Variants in CAMK1D observed in about 807,000 individuals in gnomAD.
CAMK1D encodes calcium/calmodulin-dependent protein kinase type 1D.
A neutral mutation model predicts 47.7 loss-of-function variants in CAMK1D; 9 were observed. The observed-to-expected ratio is 0.19, with a 90% CI of 0.11 to 0.33. The LOEUF is 0.33. Ranked by LOEUF, CAMK1D falls within the 10% of genes least tolerant of loss-of-function variation. CAMK1D has a pLI of 1.00. For synonymous variants in CAMK1D, 184 were observed against 184.9 expected (o/e 0.99, Z 0.04); for missense variants, 291 against 488.7 (o/e 0.60, Z 3.81).
At chr10:12,497,305 C>T (rs369154067) in intron 1 of CAMK1D, among the ~76,000 whole-genome samples, 22 of 151,814 alleles carry the variant, frequency 1.4e-4, no homozygotes, top group East Asian at 1.4e-3. Flanking sequence ...GGTGAAATCC[C>T]GTCTCTACTA....
chr10:12,694,265 A>AT lies in CAMK1D; in HGVS notation c.299+27455_299+27456insT, dbSNP rs1491384487. 2.6e-5 allele frequency among the ~76,000 whole-genome samples: 2 copies of AT among 76,944 alleles called. 1 individual carries two copies. The highest frequency in any genetic ancestry group is 8.8e-4 in the East Asian group (2 of 2,272). The allele number at this position is 76,944 out of a possible 152,430, so 50.5% of individuals were successfully genotyped here. ...ATAATATATATTATGTATAATATAT[A>AT]ATATATATTATACATAATATAAAAT... On this transcript the variant is annotated intron_variant, in intron 3 of 10. Coordinates refer to ENST00000619168, the MANE Select transcript of CAMK1D (RefSeq NM_153498.4).
intron 2 of CAMK1D, among the ~76,000 whole-genome samples, chr10:12,620,216 A>AAAT (rs1280721047): frequency 7.7e-6 from 1 of 129,894 alleles, no homozygotes. Context: ...AAAAAAAAAA[A>AAAT]AATAAAGCTG....
chr10:12,564,161 C>G lies in CAMK1D; in HGVS notation c.224+10805C>G, dbSNP rs1284058042. Among the ~76,000 whole-genome samples the G allele has an allele frequency of 2.8e-3, 413 of 147,722 alleles. 4 individuals carry two copies. Among genetic ancestry groups the G allele is most frequent in the African/African-American group, 8.9e-3 (352 of 39,458 alleles). On this transcript the variant is annotated intron_variant, in intron 2 of 10. Transcript: ENST00000619168. ...TCTCTCTCTCTGTCTCTCTCTCTCT[C>G]TCTCTCTCTCTCTCTCTCTCATAGG... is the stretch of plus-strand genomic sequence containing the variant.
intron 1 of CAMK1D, among the ~76,000 whole-genome samples, chr10:12,407,726 C>G (rs1258369906): frequency 6.6e-6 from 1 of 152,152 alleles, no homozygotes. Context: ...CCAGCATCAT[C>G]CAAATAGGTG....
chr10:12,463,243 T>C (rs1449219827), intron 1 of CAMK1D, among the ~76,000 whole-genome samples: 1 of 151,970 alleles, frequency 6.6e-6, no homozygotes, highest in Non-Finnish European at 1.5e-5. Flanking sequence ...GTTCAAGTGA[T>C]TCTCCTGCTT....
At chr10:12,508,548 A>C (rs983631696) in intron 1 of CAMK1D, among the ~76,000 whole-genome samples, 1 of 152,214 alleles carries the variant, frequency 6.6e-6, no homozygotes, top group Non-Finnish European at 1.5e-5. Context: ...GAAGATGAAA[A>C]AATTCTGGAG....
chr10:12,717,112 C>A (rs1208882196), intron 3 of CAMK1D, among the ~76,000 whole-genome samples: 2 of 152,188 alleles, frequency 1.3e-5, no homozygotes, highest in African/African-American at 4.8e-5. Flanking sequence ...TATTATTCAG[C>A]AGACATAATA....
intron 1 of CAMK1D, among the ~76,000 whole-genome samples, chr10:12,396,175 A>G (rs1838946138): frequency 6.6e-6 from 1 of 152,066 alleles, no homozygotes; most frequent in African/African-American, 2.4e-5. Context: ...TGCCTGGTCA[A>G]AAGAGTTGTT....
intron 5 of CAMK1D, among the ~76,000 whole-genome samples, chr10:12,774,406 C>T (rs2130945243): frequency 6.6e-6 from 1 of 151,944 alleles, no homozygotes; most frequent in East Asian, 1.9e-4. Flanking sequence ...GGCCTGAAGG[C>T]AGGAGAATGT....
chr10:12,628,532 C>A (rs528920588), intron 2 of CAMK1D, among the ~76,000 whole-genome samples: 2 of 152,256 alleles, frequency 1.3e-5, no homozygotes, highest in African/African-American at 2.4e-5. Context: ...TTATTAACAT[C>A]TTGAATTAGG....
intron 3 of CAMK1D, among the ~76,000 whole-genome samples, chr10:12,756,366 A>T (rs1455047299): frequency 3.9e-5 from 6 of 152,234 alleles, no homozygotes; most frequent in African/African-American, 1.4e-4. Context: ...CTAACAAGGG[A>T]TACATTGCAT....
chr10:12,553,541 C>T (rs757148697), intron 2 of CAMK1D, among the ~76,000 whole-genome samples, 185 bp downstream of exon 2: 9 of 152,180 alleles, frequency 5.9e-5, no homozygotes, highest in East Asian at 1.9e-4. Flanking sequence ...AGAACATTCA[C>T]GGCCATGGTT....
chr10:12,815,173 G>GA (rs1269282921), intron 7 of CAMK1D, among the ~76,000 whole-genome samples: 11 of 152,198 alleles, frequency 7.2e-5, no homozygotes, highest in Admixed American at 7.2e-4. Context: ...ATGCCACTCT[G>GA]AAACGTTCCT....
chr10:12,585,928 C>T (rs938261777), intron 2 of CAMK1D, among the ~76,000 whole-genome samples: 2 of 152,222 alleles, frequency 1.3e-5, no homozygotes, highest in Admixed American at 6.5e-5. Context: ...GGCTGATGTG[C>T]TCTGTGGCAT....
Position 12,714,769 on chromosome 10 carries a change from C to CACAT in CAMK1D, c.300-46176_300-46175insTACA, listed in dbSNP as rs1331294384. Among the ~76,000 whole-genome samples, 32 of 135,670 alleles carry CACAT rather than the reference C, an allele frequency of 2.4e-4. 1 individual carries two copies. The highest frequency in any genetic ancestry group is 1.9e-3 in the Admixed American group (27 of 14,226). The allele number at this position is 135,670 out of a possible 152,430, so 89.0% of individuals were successfully genotyped here. A position where few individuals can be genotyped will look rare whatever the true frequency, so the allele number is the denominator to read the frequency against. On this transcript the variant is annotated intron_variant, in intron 3 of 10. Transcript: ENST00000619168. Reference sequence around the variant, plus strand: ...AAATAGGTACATTAAATTACACACACACACACACACACACACACACACACA... The same window carrying CACAT: ...AAATAGGTACATTAAATTACACACACACATACACACACACACACACACACACACA...
intron 1 of CAMK1D, among the ~76,000 whole-genome samples, chr10:12,529,705 C>T (rs1379137807): frequency 1.3e-5 from 2 of 152,100 alleles, no homozygotes; most frequent in South Asian, 2.1e-4. Context: ...AAATTTTGCT[C>T]GTGGTGGCTG....
chr10:12,765,393 T>A (rs1836703999), intron 4 of CAMK1D, among the ~76,000 whole-genome samples: 2 of 151,186 alleles, frequency 1.3e-5, no homozygotes, highest in African/African-American at 4.9e-5. Flanking sequence ...GAGGGGGTAG[T>A]GGATGGGAAA....
rs553594619 is a variant in CAMK1D at position 12,548,681 on chromosome 10, T to C, written c.93-4544T>C. Among the ~76,000 whole-genome samples the C allele has an allele frequency of 1.6e-4, 24 of 152,098 alleles. No homozygotes were observed. In the South Asian group the frequency reaches 4.8e-3, roughly 30 times the overall value. Reference sequence around the variant, plus strand: ...CATTTTGCTGTGTTGCCCAGGCTGGTATCAAACTCCTGGGCTCAAGCGATC... The same window carrying C: ...CATTTTGCTGTGTTGCCCAGGCTGGCATCAAACTCCTGGGCTCAAGCGATC... On this transcript the variant is annotated intron_variant, in intron 1 of 10. Coordinates refer to ENST00000619168, the MANE Select transcript of CAMK1D (RefSeq NM_153498.4).
At chr10:12,538,540 A>T (rs375347106) in intron 1 of CAMK1D, among the ~76,000 whole-genome samples, 1 of 152,120 alleles carries the variant, frequency 6.6e-6, no homozygotes. Context: ...CTAGTATTAC[A>T]TTTTTGTGTG....
Sources: allele counts gnomAD v4.1 joint callset (sites outside exome capture counted in the v4.1 genomes callset), GRCh38; gene constraint gnomAD v4.1.1; transcripts MANE v1.5; gene names NCBI Gene and HGNC (gene_info 2026-07-23, HGNC 2026-07-21).